The following CARS2 variants were observed in gnomAD, a reference collection of about 807,000 sequenced individuals.
The protein encoded by CARS2 is probable cysteine--tRNA ligase, mitochondrial.
In CARS2, 52 loss-of-function variants were observed where a neutral mutation model predicts 68.8. That is an observed-to-expected ratio of 0.76 (90% CI 0.61 to 0.95). The LOEUF is 0.95. CARS2 is among the 40% of genes least tolerant of loss of function. The pLI is 0.00. For missense variants in CARS2, 780 were observed against 754.2 expected (o/e 1.03, Z -0.40); for synonymous variants, 314 against 303.6 (o/e 1.03, Z -0.36).
chr13:110,684,760 G>A (rs947521451), intron 5 of CARS2, among the ~76,000 whole-genome samples: 7 of 151,872 alleles, frequency 4.6e-5, no homozygotes, highest in Non-Finnish European at 8.8e-5. Context: ...CTTTAAAAGC[G>A]CTTCACTGGA....
At chr13:110,649,895 C>G (rs1013958541) in intron 10 of CARS2, among the ~76,000 whole-genome samples, 2 of 151,562 alleles carry the variant, frequency 1.3e-5, no homozygotes, top group Non-Finnish European at 2.9e-5. Context: ...GTCCCCAGCC[C>G]TCACTTGCCA....
Position 110,676,799 on chromosome 13 carries a change from GGTTTC to G in CARS2, c.785+170_785+174del, listed in dbSNP as rs770838353. 2.6e-5 allele frequency among the ~76,000 whole-genome samples: 4 copies of G among 152,112 alleles called. No homozygotes were observed. The highest frequency in any genetic ancestry group is 5.9e-5 in the Non-Finnish European group (4 of 68,006). Reference sequence around the variant, plus strand: ...GGTCAGGAAAGCTTGATGTGTCATGGGTTTCGTTCACCCCGTTCCATGGCCCGTCA... The same window carrying G: ...GGTCAGGAAAGCTTGATGTGTCATGGGTTCACCCCGTTCCATGGCCCGTCA... On this transcript the variant is annotated intron_variant, in intron 7 of 14. Transcript: ENST00000257347. The surrounding 1 kb of genome is among the most constrained non-coding windows in gnomAD (Gnocchi z 4.0).
intron 9 of CARS2, among the ~76,000 whole-genome samples, chr13:110,660,892 GCTGAGATTACAGGTGTCCAC>G (rs2062486075): frequency 6.6e-6 from 1 of 151,306 alleles, no homozygotes; most frequent in East Asian, 1.9e-4. Flanking sequence ...CTCCCAAGTA[GCTGAGATTACAGGTGTCCAC>G]CACCACGCCC....
rs995604231 is a variant in CARS2, at chr13:110,705,934, C to G, written c.160G>C (p.Val54Leu). ...TTCCTCCCGGTGAGGCTGTTGTACA[C>G]CTGCACACCCGTCTCCCGGCCCGTG... ...QPTGRETGVQ[V>L]YNSLTGRKEP... The change falls in exon 1 of 15, where the codon GTG becomes CTG. Residue 54 changes from valine to leucine, a missense_variant. By Grantham distance (32) the Val-to-Leu change is conservative. Coordinates refer to ENST00000257347, the MANE Select transcript of CARS2 (RefSeq NM_024537.4). This position sits in a 1 kb window ranked among gnomAD's most constrained non-coding sequence, Gnocchi z 4.0. 1 of 1,570,386 alleles carries G rather than the reference C, an allele frequency of 6.4e-7. No homozygotes were observed. Among genetic ancestry groups the G allele is most frequent in the Non-Finnish European group, 8.6e-7 (1 of 1,160,912 alleles).
intron 7 of CARS2, among the ~76,000 whole-genome samples, chr13:110,675,356 C>T (rs1221513798): frequency 6.6e-6 from 1 of 152,214 alleles, no homozygotes; most frequent in Admixed American, 6.5e-5. Context: ...GGCATATATA[C>T]ACCATGGAAT....
In CARS2 at chr13:110,642,669, A is replaced by T. The variant is rs776614771; in HGVS notation, c.1417-148T>A. Reference sequence around the variant, plus strand: ...AGCTGGGCCTCTTTCTGGGTCTGGCAGGGATGGGTACAGCCCGCGAGCGCT... The same window carrying T: ...AGCTGGGCCTCTTTCTGGGTCTGGCTGGGATGGGTACAGCCCGCGAGCGCT... On this transcript the variant is annotated intron_variant, in intron 13 of 14. Transcript: ENST00000257347. 3 of 824,458 alleles carry T rather than the reference A, an allele frequency of 3.6e-6. No homozygotes were observed. In the South Asian group the frequency reaches 4.0e-5, roughly 11 times the overall value. 51.1% of individuals were successfully genotyped at this position (824,458 alleles called of 1,614,324 possible).
intron 9 of CARS2, among the ~76,000 whole-genome samples, chr13:110,661,464 ATCT>A (rs1326628174): frequency 6.6e-6 from 1 of 152,140 alleles, no homozygotes; most frequent in Non-Finnish European, 1.5e-5. Context: ...GGCTGGTTTG[ATCT>A]TCTCTATCCA....
intron 5 of CARS2, among the ~76,000 whole-genome samples, chr13:110,685,272 T>C (rs2139847529): frequency 6.6e-6 from 1 of 151,898 alleles, no homozygotes; most frequent in Admixed American, 6.6e-5. Context: ...ATTGTGCCAC[T>C]GCACTCCAGC....
Position 110,687,973 on chromosome 13 carries a change from A to G in CARS2, c.439T>C (p.Phe147Leu). 6.2e-7 allele frequency: 1 copy of G among 1,612,996 alleles called. No homozygotes were observed. Residue 147 changes from phenylalanine to leucine, a missense_variant, in exon 4 of 15, where the codon TTC (phenylalanine) becomes CTC (leucine). Physicochemically the swap from Phe to Leu is conservative, Grantham distance 22. Transcript: ENST00000257347. The part of the protein sequence containing the change: ...ASLASLYEED[F>L]KQDMAALKVL... ...TTCAGGGCTGCCATGTCCTGCTTGA[A>G]GTCTTCCTCATAAAGACTGGCGAGG... is the stretch of plus-strand genomic sequence containing the variant.
At position 110,645,949 on chromosome 13, in the gene CARS2, A is replaced by G; in HGVS notation, c.1317+18T>C. 1 of 1,609,064 alleles carries G rather than the reference A, an allele frequency of 6.2e-7. No homozygotes were observed. Among genetic ancestry groups the G allele is most frequent in the South Asian group, 1.1e-5 (1 of 90,380 alleles). On this transcript the variant is annotated intron_variant, in intron 12 of 14. Coordinates refer to ENST00000257347, the MANE Select transcript of CARS2 (RefSeq NM_024537.4). ...CCCCTGGCAGCAGGACCGCAAGGCC[A>G]CCTGTTCGTTGAGCTACCTTCAGGG...
chr13:110,708,436 C>T (rs922560064), upstream of CARS2, among the ~76,000 whole-genome samples: 1 of 152,246 alleles, frequency 6.6e-6, no homozygotes, highest in Non-Finnish European at 1.5e-5. Flanking sequence ...ATCAAATCTG[C>T]ACATGAATCT....
At chr13:110,666,055 G>A (rs1263534789) in intron 8 of CARS2, 3 of 985,170 alleles carry the variant, frequency 3.0e-6, no homozygotes, top group South Asian at 4.7e-5. Context: ...CTCCCAGCAC[G>A]CTTCCTCTCC....
chr13:110,645,880 A>C (rs1594215807), intron 12 of CARS2, 87 bp downstream of exon 12: 1 of 1,496,670 alleles, frequency 6.7e-7, no homozygotes, highest in Non-Finnish European at 9.0e-7. Context: ...CAGAGATGCC[A>C]CCCAGCCGAC....
At chr13:110,692,992 C>T (rs1160993288) in intron 3 of CARS2, among the ~76,000 whole-genome samples, 1 of 151,066 alleles carries the variant, frequency 6.6e-6, no homozygotes, top group Non-Finnish European at 1.5e-5. Context: ...CGCCTGTAAT[C>T]CCAGCCATTT....
intron 5 of CARS2, among the ~76,000 whole-genome samples, chr13:110,685,277 T>G (rs112001493): frequency 0.013 from 1,966 of 151,824 alleles, 51 homozygotes; most frequent in African/African-American, 0.044. Context: ...GCCACTGCAC[T>G]CCAGCCTAGG....
rs570333938 is a variant in CARS2 at position 110,685,519 on chromosome 13, C to T, written c.571+2202G>A. On this transcript the variant is annotated intron_variant, in intron 5 of 14. Transcript: ENST00000257347. ...CATTGCAACAAACATTCAATACCTA[C>T]GTATCTTCAGCCGTCGGCTGGATAC... Among the ~76,000 whole-genome samples the T allele has an allele frequency of 2.6e-4, 39 of 152,324 alleles. 1 individual carries two copies. In the South Asian group the frequency reaches 4.4e-3, roughly 17 times the overall value.
chr13:110,706,608 TAC>T (rs1348729002), upstream of CARS2: 1 of 127,812 alleles, frequency 7.8e-6, no homozygotes, highest in East Asian at 2.5e-4. Context: ...TGCACCCCAA[TAC>T]AGTGTGCACC....
upstream of CARS2, among the ~76,000 whole-genome samples, chr13:110,710,027 G>A (rs756216084): frequency 2.0e-5 from 3 of 152,146 alleles, no homozygotes; most frequent in Non-Finnish European, 4.4e-5. Context: ...TGGTTTAGGG[G>A]TTTTCAAGTT....
chr13:110,711,133 T>C (rs1024707167), upstream of CARS2, among the ~76,000 whole-genome samples: 2 of 152,200 alleles, frequency 1.3e-5, no homozygotes, highest in Non-Finnish European at 2.9e-5. Flanking sequence ...AAAGGCGTAA[T>C]TTTCCTTATT....
Sources: gnomAD v4.1 joint callset for allele counts (sites outside exome capture counted in the v4.1 genomes callset) on GRCh38, gnomAD v4.1.1 for gene constraint, Gnocchi (gnomAD v3.1) non-coding constraint, MANE v1.5 for transcripts, NCBI Gene and HGNC (gene_info 2026-07-23, HGNC 2026-07-21) for gene names.